Variants in JAK1 observed in about 807,000 individuals in gnomAD.
JAK1 encodes the protein tyrosine-protein kinase JAK1.
A neutral mutation model predicts 136.6 loss-of-function variants in JAK1; 16 were observed. The ratio of observed to expected loss-of-function variants is 0.12; its 90% confidence interval spans 0.08 to 0.18. The LOEUF is 0.18. JAK1 is among the 10% of genes least tolerant of loss of function. The pLI, the probability that JAK1 is intolerant of heterozygous loss-of-function variation, is 1.00. For synonymous variants in JAK1, 492 were observed against 519.5 expected (o/e 0.95, Z 0.72); for missense variants, 859 against 1,450.1 (o/e 0.59, Z 6.62).
At chr1:65,061,857 T>C (rs570081553) in intron 1 of JAK1, among the ~76,000 whole-genome samples, 6 of 152,112 alleles carry the variant, frequency 3.9e-5, no homozygotes, top group Non-Finnish European at 7.4e-5. Context: ...TTCTCTTTTA[T>C]GGAAAAAGAA....
At chr1:64,895,991 A>G (rs768549373) in intron 1 of JAK1, among the ~76,000 whole-genome samples, 1 of 152,254 alleles carries the variant, frequency 6.6e-6, no homozygotes, top group African/African-American at 2.4e-5. Flanking sequence ...CATGCCTGTC[A>G]ATGGGGAACT....
chr1:65,033,734 A>AAG lies in JAK1; in HGVS notation c.-78+10745_-78+10746insCT, dbSNP rs1456208070. On this transcript the variant is annotated intron_variant, in intron 2 of 25. Transcript: ENST00000671954. ...GAGACTCCCGTAGTACCAAAAAAAA[A>AAG]AAAAAAAAAGGAAACACTTCCGTAT... Among the ~76,000 whole-genome samples the AAG allele has an allele frequency of 2.1e-3, 322 of 151,902 alleles. 4 individuals carry two copies. The highest frequency in any genetic ancestry group is 7.5e-3 in the African/African-American group (310 of 41,432).
At chr1:64,916,833 C>A (rs1445359159) in intron 1 of JAK1, among the ~76,000 whole-genome samples, 3 of 123,426 alleles carry the variant, frequency 2.4e-5, no homozygotes, top group East Asian at 4.0e-4. Context: ...AGAGTGAGAC[C>A]CTTTCTCAAA....
At chr1:65,000,719 A>G (rs1646747744) in intron 2 of JAK1, among the ~76,000 whole-genome samples, 1 of 152,232 alleles carries the variant, frequency 6.6e-6, no homozygotes, top group South Asian at 2.1e-4. Flanking sequence ...GTGATTACAT[A>G]TAATGCTATA....
intron 1 of JAK1, among the ~76,000 whole-genome samples, chr1:65,065,686 G>GT (rs1040816893): frequency 1.4e-4 from 21 of 148,992 alleles, no homozygotes; most frequent in South Asian, 8.6e-4. Context: ...CTTGGGAGGC[G>GT]TTTTTTTTGG....
At chr1:65,028,062 A>AT (rs1646992972) in intron 2 of JAK1, among the ~76,000 whole-genome samples, 1 of 152,150 alleles carries the variant, frequency 6.6e-6, no homozygotes, top group African/African-American at 2.4e-5. Context: ...TCTTTTTATG[A>AT]TTCCTTTGGG....
chr1:64,890,966 G>T (rs2101355425), intron 1 of JAK1, among the ~76,000 whole-genome samples: 1 of 152,280 alleles, frequency 6.6e-6, no homozygotes. Flanking sequence ...AACCTTCAAT[G>T]TTCTTGGTGT....
intron 2 of JAK1, among the ~76,000 whole-genome samples, chr1:65,038,260 G>A (rs549805528): frequency 1.0e-4 from 15 of 148,460 alleles, no homozygotes; most frequent in African/African-American, 3.0e-4. Flanking sequence ...GTACAATGGC[G>A]CGATCTCAGC....
At chr1:64,836,904 A>G (rs1654516876) in intron 22 of JAK1, among the ~76,000 whole-genome samples, 2 of 152,092 alleles carry the variant, frequency 1.3e-5, no homozygotes. Flanking sequence ...TAAACTCTCC[A>G]GCAGCATCCC....
chr1:64,859,867 TA>T, intron 9 of JAK1: 1 of 344,000 alleles, frequency 2.9e-6, no homozygotes, highest in Non-Finnish European at 5.3e-6. Flanking sequence ...GTGAGGGGGT[TA>T]AACTATGAAG....
At chr1:65,054,660 A>G (rs1312538915) in intron 1 of JAK1, among the ~76,000 whole-genome samples, 1 of 152,206 alleles carries the variant, frequency 6.6e-6, no homozygotes, top group Admixed American at 6.5e-5. Flanking sequence ...GAACAGGAAG[A>G]GGACCAGTGA....
intron 9 of JAK1, among the ~76,000 whole-genome samples, chr1:64,858,048 C>G (rs1656054164): frequency 6.6e-6 from 1 of 152,208 alleles, no homozygotes; most frequent in Non-Finnish European, 1.5e-5. Context: ...GCATTCCCTA[C>G]AGACATCATC....
intron 1 of JAK1, among the ~76,000 whole-genome samples, chr1:64,964,587 A>G (rs557688207): frequency 1.3e-5 from 2 of 152,378 alleles, no homozygotes; most frequent in Non-Finnish European, 2.9e-5. Context: ...AATAATTAGT[A>G]TAGTATGAAA....
chr1:64,839,537 A>C, intron 20 of JAK1, 66 bp downstream of exon 20: 1 of 1,436,802 alleles, frequency 7.0e-7, no homozygotes, highest in South Asian at 1.3e-5. Flanking sequence ...CCTGTTTTGC[A>C]CTGGCCTTTA....
intron 1 of JAK1, among the ~76,000 whole-genome samples, chr1:64,918,242 A>G (rs1645433538): frequency 6.6e-6 from 1 of 152,226 alleles, no homozygotes; most frequent in Non-Finnish European, 1.5e-5. Flanking sequence ...CTAACTATAC[A>G]CATACTGTTT....
chr1:65,061,746 C>T (rs1259024006), intron 1 of JAK1, among the ~76,000 whole-genome samples: 1 of 152,164 alleles, frequency 6.6e-6, no homozygotes, highest in Non-Finnish European at 1.5e-5. Context: ...CACAAGTACA[C>T]AGAATGTATA....
rs753962159 is a variant in JAK1, at chr1:64,844,001, TG to T, written c.2403+62del. On this transcript the variant is annotated intron_variant, in intron 17 of 24. Transcript: ENST00000342505. The surrounding 1 kb of genome is among the most constrained non-coding windows in gnomAD (Gnocchi z 5.7). Reference sequence around the variant, plus strand: ...ACAGTGCCAGGCTTCCGACAACTCCTGGGAAGCCCACGAGCACCTGAAAGCC... The same window carrying T: ...ACAGTGCCAGGCTTCCGACAACTCCTGGAAGCCCACGAGCACCTGAAAGCC... 1.8e-5 allele frequency: 29 copies of T among 1,596,176 alleles called. No homozygotes were observed. The East Asian group carries it at 6.3e-4, about 34-fold the overall frequency.
At chr1:64,990,599 A>G (rs1014254050) in intron 2 of JAK1, 3 of 152,170 alleles carry the variant, frequency 2.0e-5, no homozygotes, top group African/African-American at 7.2e-5. Context: ...AAGAAGGTAC[A>G]CAAAGAAACA....
intron 2 of JAK1, among the ~76,000 whole-genome samples, chr1:65,040,236 C>A (rs933663789): frequency 6.6e-6 from 1 of 151,364 alleles, no homozygotes; most frequent in Admixed American, 6.6e-5. Flanking sequence ...AAAAAGAAGT[C>A]TGAAATTGGG....
Sources: gnomAD v4.1 joint callset for allele counts (sites outside exome capture counted in the v4.1 genomes callset) on GRCh38, gnomAD v4.1.1 for gene constraint, Gnocchi (gnomAD v3.1) non-coding constraint, MANE v1.5 for transcripts, NCBI Gene and HGNC (gene_info 2026-07-23, HGNC 2026-07-21) for gene names.